LCA5L: variants seen among roughly 807,000 people sequenced by gnomAD.
LCA5L encodes the protein lebercilin LCA5 like.
Under a neutral mutation model 45.4 loss-of-function variants are expected in LCA5L, and 35 were observed. The ratio of observed to expected loss-of-function variants is 0.77; its 90% CI spans 0.59 to 1.02. The LOEUF (loss-of-function observed/expected upper bound fraction) is 1.02, where lower values mean the gene tolerates loss of function less well. Ranked by LOEUF, LCA5L falls within the 50% of genes least tolerant of loss-of-function variation. The probability of loss-of-function intolerance (pLI) is 0.00; values close to 1 mark genes in which losing one functional copy is unlikely to be tolerated. For synonymous variants in LCA5L, 233 were observed against 264.7 expected (o/e 0.88, Z 1.16); for missense variants, 668 against 761.6 (o/e 0.88, Z 1.45).
chr21:39,435,087 C>T (rs545731106), intron 3 of LCA5L, among the ~76,000 whole-genome samples: 10 of 152,240 alleles, frequency 6.6e-5, no homozygotes, highest in Admixed American at 2.0e-4. Context: ...TATTATGTCT[C>T]TATCATTATG....
chr21:39,410,840 C>T (rs1235596967), intron 8 of LCA5L: 1 of 470,988 alleles, frequency 2.1e-6, no homozygotes, highest in Non-Finnish European at 4.4e-6. Flanking sequence ...CTCTATTATT[C>T]TAGATTATAA....
intron 5 of LCA5L, among the ~76,000 whole-genome samples, chr21:39,427,438 G>A (rs918027412): frequency 6.6e-5 from 10 of 151,946 alleles, no homozygotes; most frequent in African/African-American, 1.7e-4. Context: ...CGAGGCAGGC[G>A]GATCACGAGG....
intron 5 of LCA5L, 65 bp from the exon 6 acceptor site, chr21:39,423,555 G>T: frequency 7.3e-7 from 1 of 1,377,058 alleles, no homozygotes; most frequent in Non-Finnish European, 9.7e-7. Flanking sequence ...ATGCACATAT[G>T]CATAATCTCT....
intron 7 of LCA5L, among the ~76,000 whole-genome samples, chr21:39,420,072 T>C (rs2042028934): frequency 6.6e-6 from 1 of 152,176 alleles, no homozygotes; most frequent in Non-Finnish European, 1.5e-5. Flanking sequence ...CGTGATGAAA[T>C]AGGAATGCTA....
intron 7 of LCA5L, among the ~76,000 whole-genome samples, chr21:39,414,558 G>T (rs924034798): frequency 7.9e-5 from 12 of 152,100 alleles, no homozygotes; most frequent in Non-Finnish European, 1.6e-4. Context: ...AGTCCTATAT[G>T]CTCTTCAACA....
rs1180921097 is a variant in LCA5L, at chr21:39,409,276, C to T, written c.1282+703G>A. The stretch of plus-strand genomic sequence containing the variant: ...CTTAACTGAAGCCAAATGCCTAGAA[C>T]CTTGATCTCGGACTTCCTAGCCTCC... On this transcript the variant is annotated intron_variant, in intron 10 of 10. Transcript: ENST00000288350. The surrounding 1 kb of genome is among the most constrained non-coding windows in gnomAD (Gnocchi z 4.2). 6.6e-6 allele frequency among the ~76,000 whole-genome samples: 1 copy of T among 152,112 alleles called. No individual in the cohort carries two copies. Among genetic ancestry groups the T allele is most frequent in the Non-Finnish European group, 1.5e-5 (1 of 68,022 alleles).
At chr21:39,417,982 T>C (rs530416720) in intron 7 of LCA5L, among the ~76,000 whole-genome samples, 1 of 152,126 alleles carries the variant, frequency 6.6e-6, no homozygotes, top group East Asian at 1.9e-4. Flanking sequence ...TTGCCAGGAT[T>C]GTCTCCATCT....
Position 39,423,141 on chromosome 21 carries a change from T to TAGAG in LCA5L, c.668_671dup (p.Arg226IlefsTer2). The TAGAG allele has an allele frequency of 6.2e-7, 1 of 1,613,868 alleles. No individual in the cohort carries two copies. The highest frequency in any genetic ancestry group is 1.7e-5 in the Admixed American group (1 of 59,972). ...TGTCAGTTTCTCTAAGTTTCCTAGA[T>TAGAG]AGAGTTCTTTCCTTTTCCTGGGATT... is the stretch of plus-strand genomic sequence containing the variant. On this transcript the variant is annotated frameshift_variant, in exon 6 of 11. Transcript: ENST00000288350. LOFTEE classifies it high-confidence loss of function.
At chr21:39,439,691 C>T (rs1428228551) in intron 2 of LCA5L, 1 of 152,158 alleles carries the variant, frequency 6.6e-6, no homozygotes, top group Non-Finnish European at 1.5e-5. Flanking sequence ...AAACAGCCGA[C>T]CCTCTCATAA....
chr21:39,418,684 G>C (rs1292576301), intron 7 of LCA5L, among the ~76,000 whole-genome samples: 1 of 151,980 alleles, frequency 6.6e-6, no homozygotes, highest in East Asian at 2.0e-4. Context: ...ATTTTTAGTA[G>C]AGACGGGGTT....
In LCA5L at chr21:39,409,320, A is replaced by G. The variant is rs1004630405; in HGVS notation, c.1282+659T>C. On this transcript the variant is annotated intron_variant, in intron 10 of 10. Coordinates refer to ENST00000288350, the MANE Select transcript of LCA5L (RefSeq NM_152505.4). This position sits in a 1 kb window ranked among gnomAD's most constrained non-coding sequence, Gnocchi z 4.2. ...AGCCTCCAGAACCATGAGAAAATAAATAAGTGTTGTTTAAACCGGCAGTCT... is the reference window on the plus strand; with the variant it reads ...AGCCTCCAGAACCATGAGAAAATAAGTAAGTGTTGTTTAAACCGGCAGTCT... 3.3e-5 allele frequency among the ~76,000 whole-genome samples: 5 copies of G among 152,152 alleles called. No homozygotes were observed. Among genetic ancestry groups the G allele is most frequent in the Non-Finnish European group, 7.3e-5 (5 of 68,042 alleles).
At chr21:39,431,975 T>A (rs2075780784) in intron 3 of LCA5L, among the ~76,000 whole-genome samples, 1 of 152,218 alleles carries the variant, frequency 6.6e-6, no homozygotes, top group South Asian at 2.1e-4. Flanking sequence ...ATTGCTGTGT[T>A]CACCGATTTG....
chr21:39,413,348 CTG>C (rs1264561028), intron 7 of LCA5L, among the ~76,000 whole-genome samples: 1 of 152,170 alleles, frequency 6.6e-6, no homozygotes, highest in Admixed American at 6.5e-5. Flanking sequence ...TAGCATAAGA[CTG>C]TTTTGAGTTA....
At chr21:39,443,176 G>C (rs566304758) in intron 2 of LCA5L, among the ~76,000 whole-genome samples, 1 of 152,314 alleles carries the variant, frequency 6.6e-6, no homozygotes, top group South Asian at 2.1e-4. Context: ...TGAGGAGTGA[G>C]AGACAAATAA....
intron 6 of LCA5L, chr21:39,421,794 G>A (rs1395546981): frequency 2.0e-5 from 3 of 152,240 alleles, no homozygotes; most frequent in African/African-American, 7.2e-5. Flanking sequence ...GAAATAACAT[G>A]TTTTGGTCCA....
chr21:39,424,751 T>C (rs1446641300), intron 5 of LCA5L, among the ~76,000 whole-genome samples: 1 of 152,226 alleles, frequency 6.6e-6, no homozygotes, highest in Admixed American at 6.5e-5. Context: ...AGTTAATTTT[T>C]CCTGTTACTT....
In LCA5L at chr21:39,423,357, T is replaced by G; in HGVS notation, c.456A>C (p.Lys152Asn). ...TATCAGCTAATTCATTTTTTAGTCC[T>G]TTAATTTTATGAAGCCTTGCTGAGA... ...RILSARLHKI[K>N]GLKNELADMH... Residue 152 changes from lysine (K) to asparagine (N), a missense_variant, in exon 6 of 11, where the codon AAA (lysine) becomes AAC (asparagine). Physicochemically the swap from Lys to Asn is moderately conservative, Grantham distance 94 (BLOSUM62 0). Coordinates refer to ENST00000288350, the MANE Select transcript of LCA5L (RefSeq NM_152505.4). 1 of 1,612,844 alleles carries G rather than the reference T, an allele frequency of 6.2e-7. No individual in the cohort carries two copies. Among genetic ancestry groups the G allele is most frequent in the Non-Finnish European group, 8.5e-7 (1 of 1,179,896 alleles).
rs2039008222 is a variant in LCA5L, at chr21:39,405,816, A to G, written c.*66T>C. 1 of 1,241,992 alleles carries G rather than the reference A, an allele frequency of 8.1e-7. No individual in the cohort carries two copies. The highest frequency in any genetic ancestry group is 1.6e-5 in the South Asian group (1 of 61,286). 76.9% of individuals were successfully genotyped at this position (1,241,992 alleles called of 1,614,324 possible). The stretch of plus-strand genomic sequence containing the variant: ...ACACTCCCTCTCTCACACATTTCAA[A>G]AATAAGATGCAAGGCACATAAGCAG... On this transcript the variant is annotated 3_prime_UTR_variant, in exon 11 of 11. Transcript: ENST00000288350.
rs2076198560 is a variant in LCA5L at position 39,435,415 on chromosome 21, C to T, written c.-92+5G>A. The stretch of plus-strand genomic sequence containing the variant: ...CTAAAATGTTTGAAAGTGATTACTG[C>T]ATACCTGGTGTTCTTTATTAAACTT... On this transcript the variant is annotated splice_donor_5th_base_variant and intron_variant, in intron 3 of 10. Coordinates refer to ENST00000288350, the MANE Select transcript of LCA5L (RefSeq NM_152505.4). 1 of 152,220 alleles carries T rather than the reference C, an allele frequency of 6.6e-6. No individual in the cohort carries two copies. The highest frequency in any genetic ancestry group is 2.4e-5 in the African/African-American group (1 of 41,452). 9.4% of individuals were successfully genotyped at this position (152,220 alleles called of 1,614,324 possible).
Sources: gnomAD v4.1 joint callset for allele counts (sites outside exome capture counted in the v4.1 genomes callset) on GRCh38, gnomAD v4.1.1 for gene constraint, Gnocchi (gnomAD v3.1) non-coding constraint, MANE v1.5 for transcripts, NCBI Gene and HGNC (gene_info 2026-07-23, HGNC 2026-07-21) for gene names.